Variants in VRK1 observed in about 807,000 individuals in gnomAD.
The protein encoded by VRK1 is VRK serine/threonine kinase 1.
In VRK1, 33 loss-of-function variants were observed where a neutral mutation model predicts 57.1. That is an observed-to-expected ratio of 0.58 (90% confidence interval 0.44 to 0.77). VRK1 has a LOEUF of 0.77. Among genes scored for constraint, VRK1 ranks in the 30% least tolerant of loss-of-function variants. The pLI is 0.00. For missense variants in VRK1, 413 were observed against 477.3 expected (o/e 0.87, Z 1.25); for synonymous variants, 137 against 147.8 (o/e 0.93, Z 0.53).
chr14:96,868,172 T>C (rs923595070), intron 11 of VRK1, among the ~76,000 whole-genome samples: 1 of 152,184 alleles, frequency 6.6e-6, no homozygotes, highest in African/African-American at 2.4e-5. Flanking sequence ...GTTTTTTAGG[T>C]GCCAGGACTC....
intron 1 of VRK1, among the ~76,000 whole-genome samples, chr14:96,820,423 C>T (rs187914965): frequency 3.3e-5 from 5 of 152,274 alleles, no homozygotes; most frequent in African/African-American, 1.2e-4. Context: ...AATGGCCAGC[C>T]TCTACCCTCC....
At chr14:96,826,520 CT>C (rs1334283872) in intron 1 of VRK1, among the ~76,000 whole-genome samples, 1 of 152,042 alleles carries the variant, frequency 6.6e-6, no homozygotes, top group African/African-American at 2.4e-5. Context: ...TAATGCTAAA[CT>C]TTTTTTTCTT....
chr14:96,847,027 C>T (rs1427402730), intron 4 of VRK1, among the ~76,000 whole-genome samples: 1 of 152,026 alleles, frequency 6.6e-6, no homozygotes, highest in African/African-American at 2.4e-5. Flanking sequence ...GTAGATTTTT[C>T]ATTTTAAAGA....
At chr14:96,867,285 G>C (rs969325940) in intron 11 of VRK1, among the ~76,000 whole-genome samples, 8 of 152,094 alleles carry the variant, frequency 5.3e-5, no homozygotes, top group African/African-American at 1.9e-4. Flanking sequence ...TTTTTCCCCA[G>C]TTGAAAACTA....
intron 11 of VRK1, among the ~76,000 whole-genome samples, chr14:96,864,699 C>G (rs1223229802): frequency 6.6e-6 from 1 of 152,150 alleles, no homozygotes; most frequent in Non-Finnish European, 1.5e-5. Context: ...GCTGCTCTCT[C>G]AGCTTACATT....
At chr14:96,819,716 C>G (rs1666476844) in intron 1 of VRK1, among the ~76,000 whole-genome samples, 1 of 152,148 alleles carries the variant, frequency 6.6e-6, no homozygotes, top group African/African-American at 2.4e-5. Context: ...TTTTCTGCAT[C>G]CTGCTGGTTG....
In VRK1 at chr14:96,811,220, C is replaced by T. The variant is rs143200508; in HGVS notation, c.-6+13773C>T. On this transcript the variant is annotated intron_variant, in intron 1 of 12. Coordinates refer to ENST00000216639, the MANE Select transcript of VRK1 (RefSeq NM_003384.3). ...TGCAGGGATTACAGGTGTGAGCCAC[C>T]GCGCCCAGCCTCTGATCTTACTAAT... Among the ~76,000 whole-genome samples the T allele has an allele frequency of 2.2e-3, 328 of 152,192 alleles. 2 individuals carry two copies. The highest frequency in any genetic ancestry group is 3.4e-3 in the Middle Eastern group (1 of 294).
chr14:96,872,357 G>C (rs1456998371), intron 11 of VRK1, among the ~76,000 whole-genome samples: 2 of 152,148 alleles, frequency 1.3e-5, no homozygotes, highest in East Asian at 3.8e-4. Flanking sequence ...GTGCACATCT[G>C]TATATGTGCA....
rs75065302 is a variant in VRK1 at position 96,802,221 on chromosome 14, C to T, written c.-6+4774C>T. Among the ~76,000 whole-genome samples the T allele has an allele frequency of 4.0e-3, 610 of 152,242 alleles. 5 individuals carry two copies. The highest frequency in any genetic ancestry group is 0.013 in the African/African-American group (557 of 41,542). The stretch of plus-strand genomic sequence containing the variant: ...TTTGGCAATTTCTCGAAAAGTTAAA[C>T]GTACATTTGACACACAATCCAGCGA... On this transcript the variant is annotated intron_variant, in intron 1 of 12. Coordinates refer to ENST00000216639, the MANE Select transcript of VRK1 (RefSeq NM_003384.3).
intron 3 of VRK1, among the ~76,000 whole-genome samples, chr14:96,843,337 C>A (rs1887543115): frequency 6.6e-6 from 1 of 152,156 alleles, no homozygotes; most frequent in African/African-American, 2.4e-5. Context: ...GGATGGTATC[C>A]TAACAGGTCA....
intron 2 of VRK1, among the ~76,000 whole-genome samples, chr14:96,837,110 C>G (rs1244803888): frequency 6.6e-6 from 1 of 152,174 alleles, no homozygotes; most frequent in East Asian, 1.9e-4. Context: ...ATTGCTAAAT[C>G]TCTATTTCCT....
rs1372198425 is a variant in VRK1 at position 96,833,605 on chromosome 14, A to T, written c.134A>T (p.Gln45Leu). The change falls in exon 2 of 13, where the codon CAA becomes CTA. Residue 45 changes from glutamine to leucine, a missense_variant. This residue lies in a region of VRK1 where 116 missense variants were observed against 113.6 expected (regional missense o/e 1.02). Transcript: ENST00000216639. ...KEWKVGLPIG[Q>L]GGFGCIYLAD... The stretch of plus-strand genomic sequence containing the variant: ...TGGAAAGTAGGATTACCCATTGGCC[A>T]AGGAGGCTTTGGCTGTATATATCTT... 1 of 1,613,774 alleles carries T rather than the reference A, an allele frequency of 6.2e-7. No homozygotes were observed. Among genetic ancestry groups the T allele is most frequent in the South Asian group, 1.1e-5 (1 of 91,086 alleles).
At chr14:96,837,539 C>T (rs540944412) in intron 2 of VRK1, among the ~76,000 whole-genome samples, 21 of 152,166 alleles carry the variant, frequency 1.4e-4, no homozygotes, top group African/African-American at 4.8e-4. Context: ...AATTGATAAT[C>T]ATATAGAAGA....
At chr14:96,820,569 C>T (rs1401204279) in intron 1 of VRK1, among the ~76,000 whole-genome samples, 2 of 152,102 alleles carry the variant, frequency 1.3e-5, no homozygotes, top group Non-Finnish European at 2.9e-5. Context: ...ATTTTGAACT[C>T]GAATAAGAAA....
chr14:96,847,060 AT>A (rs1887729281), intron 4 of VRK1, among the ~76,000 whole-genome samples, 196 bp from the exon 5 acceptor site: 1 of 152,160 alleles, frequency 6.6e-6, no homozygotes, highest in Admixed American at 6.5e-5. Context: ...CAGGATAACA[AT>A]TTTGTAGGTT....
chr14:96,823,383 G>A (rs768766694), intron 1 of VRK1, among the ~76,000 whole-genome samples: 4 of 152,142 alleles, frequency 2.6e-5, no homozygotes, highest in Non-Finnish European at 1.5e-5. Flanking sequence ...TACCCTTCAT[G>A]AATTTACATA....
At chr14:96,822,957 C>G (rs1227493349) in intron 1 of VRK1, among the ~76,000 whole-genome samples, 2 of 152,174 alleles carry the variant, frequency 1.3e-5, no homozygotes, top group East Asian at 3.9e-4. Context: ...AGGTGTGCTC[C>G]CACCTTAGGG....
intron 1 of VRK1, among the ~76,000 whole-genome samples, chr14:96,820,357 T>C (rs530750466): frequency 2.6e-5 from 4 of 152,176 alleles, no homozygotes; most frequent in Non-Finnish European, 4.4e-5. Flanking sequence ...AACTTCTCTG[T>C]AGTTGTAAGA....
At chr14:96,842,216 T>C (rs770049799) in intron 3 of VRK1, among the ~76,000 whole-genome samples, 1 of 152,190 alleles carries the variant, frequency 6.6e-6, no homozygotes, top group South Asian at 2.1e-4. Context: ...CTCAACTTCC[T>C]CATGTCATTC....
Sources: gnomAD v4.1 joint callset for allele counts (sites outside exome capture counted in the v4.1 genomes callset) on GRCh38, gnomAD v4.1.1 for gene constraint, gnomAD v4.1.1 regional missense constraint, MANE v1.5 for transcripts, NCBI Gene and HGNC (gene_info 2026-07-23, HGNC 2026-07-21) for gene names.